The following ATP8A1 variants were observed in gnomAD, a reference collection of about 807,000 sequenced individuals.
The protein encoded by ATP8A1 is ATPase phospholipid transporting 8A1, also known as phospholipid-transporting ATPase IA.
A neutral mutation model predicts 177.7 loss-of-function variants in ATP8A1; 90 were observed. The ratio of observed to expected loss-of-function variants is 0.51; its 90% confidence interval spans 0.43 to 0.60. The LOEUF (loss-of-function observed/expected upper bound fraction) is 0.60, where lower values mean the gene tolerates loss of function less well. Ranked by LOEUF, ATP8A1 falls within the 20% of genes least tolerant of loss-of-function variation. The probability of loss-of-function intolerance (pLI) is 0.00; values close to 1 mark genes in which losing one functional copy is unlikely to be tolerated. For synonymous variants in ATP8A1, 493 were observed against 485.9 expected (o/e 1.01, Z -0.19); for missense variants, 1,072 against 1,392.8 (o/e 0.77, Z 3.67).
At chr4:42,532,695 C>T (rs559638653) in intron 20 of ATP8A1, among the ~76,000 whole-genome samples, 1 of 152,324 alleles carries the variant, frequency 6.6e-6, no homozygotes, top group East Asian at 1.9e-4. Context: ...CGTGGAGACT[C>T]ATACTGTGAA....
chr4:42,536,901 C>T (rs752168469), intron 20 of ATP8A1, among the ~76,000 whole-genome samples: 9 of 152,026 alleles, frequency 5.9e-5, no homozygotes, highest in Non-Finnish European at 7.4e-5. Flanking sequence ...GAGGCCAAGG[C>T]GGGCAGATGA....
intron 24 of ATP8A1, among the ~76,000 whole-genome samples, chr4:42,490,308 C>T (rs1368953193): frequency 6.6e-6 from 1 of 152,204 alleles, no homozygotes; most frequent in Non-Finnish European, 1.5e-5. Flanking sequence ...TAGGTTCTGT[C>T]TCGTTAACAC....
chr4:42,569,500 A>G (rs1375453251), intron 14 of ATP8A1, among the ~76,000 whole-genome samples: 1 of 152,222 alleles, frequency 6.6e-6, no homozygotes, highest in East Asian at 1.9e-4. Context: ...AATTATTTCA[A>G]CTTAGCAGTT....
intron 6 of ATP8A1, 125 bp from the exon 7 acceptor site, chr4:42,591,009 T>G: frequency 1.2e-6 from 1 of 802,570 alleles, no homozygotes; most frequent in South Asian, 1.8e-5. Flanking sequence ...TACATGTTAA[T>G]AAAAACATCT....
intron 5 of ATP8A1, among the ~76,000 whole-genome samples, chr4:42,602,128 C>T (rs1735344690): frequency 1.3e-5 from 2 of 152,098 alleles, no homozygotes; most frequent in African/African-American, 4.8e-5. Context: ...AATAATCATT[C>T]CAAGCTAGAG....
At chr4:42,550,684 T>G (rs1577565806) in intron 18 of ATP8A1, among the ~76,000 whole-genome samples, 2 of 152,180 alleles carry the variant, frequency 1.3e-5, no homozygotes, top group African/African-American at 4.8e-5. Flanking sequence ...GTAATCCCAG[T>G]GCTTTGGGAG....
chr4:42,555,893 CATAGAAG>C, intron 16 of ATP8A1, 68 bp downstream of exon 16: 1 of 948,844 alleles, frequency 1.1e-6, no homozygotes, highest in Non-Finnish European at 1.6e-6. Flanking sequence ...AACATGTAAA[CATAGAAG>C]ATAGTTCAGA....
chr4:42,482,223 AC>A (rs201241998), intron 25 of ATP8A1, among the ~76,000 whole-genome samples: 1,886 of 151,984 alleles, frequency 0.012, 41 homozygotes, highest in African/African-American at 0.043. Context: ...AATCGCTTGA[AC>A]CCAGGAGGTG....
intron 14 of ATP8A1, 49 bp downstream of exon 14, chr4:42,574,570 G>A (rs1180106248): frequency 7.0e-7 from 1 of 1,438,640 alleles, no homozygotes; most frequent in Non-Finnish European, 9.7e-7. Flanking sequence ...CAAACTGTTA[G>A]CACTAATTAA....
chr4:42,516,810 G>A (rs1295356706), intron 22 of ATP8A1, among the ~76,000 whole-genome samples: 1 of 151,918 alleles, frequency 6.6e-6, no homozygotes, highest in African/African-American at 2.4e-5. Flanking sequence ...AAATAAGTTA[G>A]AATAAAAGTA....
intron 2 of ATP8A1, 150 bp downstream of exon 2, chr4:42,626,845 G>A (rs1738155578): frequency 1.5e-6 from 1 of 660,720 alleles, no homozygotes; most frequent in Non-Finnish European, 2.7e-6. Flanking sequence ...CTATGGGAGA[G>A]AAGATGGGGA....
chr4:42,564,491 G>A (rs570127750), intron 15 of ATP8A1, among the ~76,000 whole-genome samples: 26 of 152,340 alleles, frequency 1.7e-4, no homozygotes, highest in Non-Finnish European at 2.6e-4. Context: ...CTGGATGTGA[G>A]ACATGGAATC....
chr4:42,498,907 C>T (rs956278118), intron 24 of ATP8A1, among the ~76,000 whole-genome samples: 3 of 152,196 alleles, frequency 2.0e-5, no homozygotes, highest in African/African-American at 4.8e-5. Context: ...GCCGAGCTAC[C>T]TGAGCTTGGT....
chr4:42,504,850 A>G (rs1373793702), intron 23 of ATP8A1, among the ~76,000 whole-genome samples: 1 of 152,254 alleles, frequency 6.6e-6, no homozygotes, highest in Non-Finnish European at 1.5e-5. Flanking sequence ...CACCCTGGAC[A>G]CTGCTATGCT....
At chr4:42,574,560 C>T (rs1303776115) in intron 14 of ATP8A1, 59 bp downstream of exon 14, 2 of 1,392,534 alleles carry the variant, frequency 1.4e-6, no homozygotes, top group Non-Finnish European at 2.0e-6. Context: ...CCAAATGTAC[C>T]AAACTGTTAG....
intron 9 of ATP8A1, among the ~76,000 whole-genome samples, chr4:42,585,089 C>T (rs1560487748): frequency 6.6e-6 from 1 of 152,140 alleles, no homozygotes; most frequent in African/African-American, 2.4e-5. Flanking sequence ...ATAATTTACA[C>T]TGACTACTCC....
At chr4:42,514,273 T>C (rs1392533768) in intron 22 of ATP8A1, among the ~76,000 whole-genome samples, 2 of 152,168 alleles carry the variant, frequency 1.3e-5, no homozygotes, top group African/African-American at 4.8e-5. Context: ...AATCAGGATG[T>C]GAGAGGTGAT....
At chr4:42,423,836 C>G (rs1415814164) in intron 33 of ATP8A1, 131 bp from the exon 34 acceptor site, 4 of 487,146 alleles carry the variant, frequency 8.2e-6, no homozygotes, top group Non-Finnish European at 1.5e-5. Flanking sequence ...ACTCTGAATT[C>G]GAACTTATGA....
In ATP8A1 at chr4:42,593,606, G is replaced by A. The variant is rs1273157785; in HGVS notation, c.451-2722C>T. 2.0e-5 allele frequency among the ~76,000 whole-genome samples: 3 copies of A among 152,012 alleles called. No homozygotes were observed. In the East Asian group the frequency reaches 5.8e-4, roughly 29 times the overall value. On this transcript the variant is annotated intron_variant, in intron 6 of 36. Coordinates refer to ENST00000381668, the MANE Select transcript of ATP8A1 (RefSeq NM_006095.2). Reference sequence around the variant, plus strand: ...AAATAAACCTGTCCAAGGAAATGATGATAAACAACCTCTAAAATATTAAAA... The same window carrying A: ...AAATAAACCTGTCCAAGGAAATGATAATAAACAACCTCTAAAATATTAAAA...
Sources: gnomAD v4.1 joint callset for allele counts (sites outside exome capture counted in the v4.1 genomes callset) on GRCh38, gnomAD v4.1.1 for gene constraint, MANE v1.5 for transcripts, NCBI Gene and HGNC (gene_info 2026-07-23, HGNC 2026-07-21) for gene names.